RUNDC3A: variants seen among roughly 807,000 people sequenced by gnomAD.
RUNDC3A encodes the protein RUN domain containing 3A, also known as RUN domain-containing protein 3A.
A neutral mutation model predicts 53.9 loss-of-function variants in RUNDC3A; 28 were observed. The ratio of observed to expected loss-of-function variants is 0.52; its 90% CI spans 0.38 to 0.71. RUNDC3A has a LOEUF of 0.71. Ranked by LOEUF, RUNDC3A falls within the 30% of genes least tolerant of loss-of-function variation. The pLI is 0.00. For missense variants in RUNDC3A, 491 were observed against 597.3 expected (o/e 0.82, Z 1.85); for synonymous variants, 232 against 249.4 (o/e 0.93, Z 0.66).
intron 1 of RUNDC3A, chr17:44,310,124 A>G (rs930059791): frequency 1.3e-5 from 2 of 152,384 alleles, no homozygotes; most frequent in African/African-American, 4.8e-5. Flanking sequence ...CCAGTGTGTT[A>G]TAAAACAAAG....
chr17:44,316,785 A>AG, intron 10 of RUNDC3A, 60 bp downstream of exon 10: 1 of 848,638 alleles, frequency 1.2e-6, no homozygotes. Context: ...CAAGGCCCTG[A>AG]GGCCTCAAGG....
intron 4 of RUNDC3A, chr17:44,313,922 G>C (rs570739652): frequency 4.1e-6 from 4 of 965,160 alleles, no homozygotes; most frequent in African/African-American, 3.5e-5. Context: ...CTCCCGCCTT[G>C]GCCTCCCAAA....
intron 10 of RUNDC3A, chr17:44,317,787 C>T (rs896488145): frequency 1.0e-5 from 6 of 597,924 alleles, no homozygotes; most frequent in Non-Finnish European, 1.5e-5. Context: ...GTGTCTTGTC[C>T]GTTCTCTGTA....
chr17:44,315,786 A>C lies in RUNDC3A; in HGVS notation c.953+177A>C. 4.0e-6 allele frequency: 2 copies of C among 496,738 alleles called. No individual in the cohort carries two copies. The highest frequency in any genetic ancestry group is 3.3e-6 in the Non-Finnish European group (1 of 305,024). 30.8% of individuals were successfully genotyped at this position (496,738 alleles called of 1,614,324 possible). A position where few individuals can be genotyped will look rare whatever the true frequency, so the allele number is the denominator to read the frequency against. ...GAGATGCCCACAATGATCTTCTAAC[A>C]TTGCCCCCAGCATAAGATCCAGTGA... On this transcript the variant is annotated intron_variant, in intron 8 of 10. Transcript: ENST00000426726. This position sits in a 1 kb window ranked among gnomAD's most constrained non-coding sequence, Gnocchi z 6.1.
intron 1 of RUNDC3A, chr17:44,309,907 T>G (rs2047717710): frequency 6.5e-6 from 1 of 153,160 alleles, no homozygotes; most frequent in Non-Finnish European, 1.5e-5. Context: ...CCTGATGCCC[T>G]GGCTCCTGGC....
chr17:44,314,501 A>G, intron 4 of RUNDC3A: 11 of 1,408,032 alleles, frequency 7.8e-6, no homozygotes, highest in Non-Finnish European at 1.0e-5. Flanking sequence ...TTGATGAGGA[A>G]GGGGTAGCTC....
Position 44,316,611 on chromosome 17 carries a change from T to C in RUNDC3A, c.1092-8T>C. The stretch of plus-strand genomic sequence containing the variant: ...TCTACCGGCGCACCAGCTCTCGCTC[T>C]GCCGCAGACACAGCTTCATGAGCAC... On this transcript the variant is annotated splice_region_variant and splice_polypyrimidine_tract_variant and intron_variant, in intron 9 of 10. Transcript: ENST00000426726. 6.4e-7 allele frequency: 1 copy of C among 1,552,700 alleles called. No individual in the cohort carries two copies. The highest frequency in any genetic ancestry group is 8.7e-7 in the Non-Finnish European group (1 of 1,147,714).
Position 44,315,611 on chromosome 17 carries a change from T to C in RUNDC3A, c.953+2T>C. ...GATCCTGGAGCTGCAGGAGCAGCTG[T>C]GAGCGCACGGCCTGCCCTAACCCCT... On this transcript the variant is annotated splice_donor_variant, in intron 8 of 10. Coordinates refer to ENST00000426726, the MANE Select transcript of RUNDC3A (RefSeq NM_001144825.2). LOFTEE classifies it high-confidence loss of function. The surrounding 1 kb of genome is among the most constrained non-coding windows in gnomAD (Gnocchi z 6.1). 6.8e-7 allele frequency: 1 copy of C among 1,477,194 alleles called. No individual in the cohort carries two copies. Among genetic ancestry groups the C allele is most frequent in the Non-Finnish European group, 9.0e-7 (1 of 1,110,248 alleles). 91.5% of individuals were successfully genotyped at this position (1,477,194 alleles called of 1,614,324 possible).
At chr17:44,317,123 G>A (rs929944519) in intron 10 of RUNDC3A, 1 of 432,292 alleles carries the variant, frequency 2.3e-6, no homozygotes, top group African/African-American at 2.0e-5. Context: ...TGGGATTACA[G>A]GTGTGAGCCA....
At chr17:44,314,711 C>T (rs768417585) in intron 4 of RUNDC3A, 24 bp from the exon 5 acceptor site, 10 of 1,596,332 alleles carry the variant, frequency 6.3e-6, no homozygotes, top group Non-Finnish European at 8.5e-6. Flanking sequence ...CTGCTGCATC[C>T]TCTGGCCCTC....
At chr17:44,314,200 T>C (rs1186708529) in intron 4 of RUNDC3A, 2 of 998,218 alleles carry the variant, frequency 2.0e-6, no homozygotes, top group East Asian at 1.1e-4. Context: ...AGTCCTTATA[T>C]GGGGAGTTCA....
intron 1 of RUNDC3A, 118 bp from the exon 2 acceptor site, chr17:44,312,462 C>A (rs1456642610): frequency 2.2e-5 from 14 of 646,518 alleles, no homozygotes; most frequent in South Asian, 3.6e-5. Flanking sequence ...CTCTGCCCCC[C>A]ACCACATCCA....
intron 1 of RUNDC3A, chr17:44,311,187 G>C (rs1213282744): frequency 2.0e-6 from 2 of 985,556 alleles, no homozygotes; most frequent in Non-Finnish European, 2.4e-6. Context: ...AAGTTCAAAA[G>C]GAAGGGGGAC....
intron 1 of RUNDC3A, 146 bp downstream of exon 1, chr17:44,309,085 A>G: frequency 1.6e-6 from 1 of 613,656 alleles, no homozygotes; most frequent in Non-Finnish European, 2.8e-6. Flanking sequence ...TCCCAGGCCC[A>G]GAACCCAGAG....
intron 10 of RUNDC3A, chr17:44,317,261 A>G (rs2047885866): frequency 1.6e-6 from 1 of 613,016 alleles, no homozygotes; most frequent in Non-Finnish European, 2.9e-6. Flanking sequence ...TGACCATGTG[A>G]GCTTGGTCAA....
chr17:44,317,590 C>G (rs372388388), intron 10 of RUNDC3A: 2 of 778,440 alleles, frequency 2.6e-6, no homozygotes, highest in Non-Finnish European at 4.8e-6. Flanking sequence ...TTTTTCCCAT[C>G]CTAGTTCTCC....
chr17:44,312,984 T>G (rs1250858089), intron 2 of RUNDC3A, 120 bp from the exon 3 acceptor site: 13 of 1,099,954 alleles, frequency 1.2e-5, no homozygotes, highest in Non-Finnish European at 1.6e-5. Context: ...CACACGTGCA[T>G]GTGTGTGCAC....
intron 1 of RUNDC3A, among the ~76,000 whole-genome samples, chr17:44,311,983 C>T (rs77606974): frequency 1.8e-4 from 28 of 152,304 alleles, no homozygotes; most frequent in African/African-American, 3.6e-4. Flanking sequence ...GAGGCCAAGC[C>T]GGGAAGGAAA....
intron 10 of RUNDC3A, chr17:44,317,214 T>C (rs2047884693): frequency 3.5e-6 from 2 of 573,018 alleles, no homozygotes; most frequent in Admixed American, 3.0e-5. Flanking sequence ...GAACACAGCA[T>C]ATGCAGAACC....
Sources: allele counts gnomAD v4.1 joint callset (sites outside exome capture counted in the v4.1 genomes callset), GRCh38; gene constraint gnomAD v4.1.1; non-coding constraint Gnocchi (gnomAD v3.1); transcripts MANE v1.5; gene names NCBI Gene and HGNC (gene_info 2026-07-23, HGNC 2026-07-21).